The following PAG1 variants were observed in gnomAD, a reference collection of about 807,000 sequenced individuals.
PAG1 encodes phosphoprotein membrane anchor with glycosphingolipid microdomains 1.
PAG1 carries 23 observed loss-of-function variants against 31.7 expected under a neutral mutation model. The observed-to-expected ratio is 0.73, with a 90% CI of 0.52 to 1.03. The LOEUF (loss-of-function observed/expected upper bound fraction) is 1.03, where lower values mean the gene tolerates loss of function less well. PAG1 is among the 50% of genes least tolerant of loss of function. The probability of loss-of-function intolerance (pLI) is 0.00; values close to 1 mark genes in which losing one functional copy is unlikely to be tolerated. For missense variants in PAG1, 473 were observed against 540.7 expected (o/e 0.87, Z 1.24); for synonymous variants, 214 against 210.3 (o/e 1.02, Z -0.15).
At chr8:81,053,743 G>C (rs1435120631) in intron 2 of PAG1, among the ~76,000 whole-genome samples, 7 of 152,176 alleles carry the variant, frequency 4.6e-5, no homozygotes, top group Non-Finnish European at 1.0e-4. Context: ...TTCAGGGTGG[G>C]AAATGGACAT....
intron 1 of PAG1, among the ~76,000 whole-genome samples, chr8:81,106,809 T>C (rs1444490149): frequency 6.6e-6 from 1 of 152,170 alleles, no homozygotes; most frequent in African/African-American, 2.4e-5. Flanking sequence ...AGAAAGGCTA[T>C]GATACAGACA....
chr8:81,038,799 G>A (rs1428028819), intron 2 of PAG1, among the ~76,000 whole-genome samples: 1 of 152,048 alleles, frequency 6.6e-6, no homozygotes, highest in East Asian at 1.9e-4. Flanking sequence ...GACTTAGGGT[G>A]GTTTTAAGAG....
intron 2 of PAG1, among the ~76,000 whole-genome samples, chr8:81,054,128 A>G (rs539876079): frequency 1.3e-5 from 2 of 152,304 alleles, no homozygotes; most frequent in African/African-American, 4.8e-5. Flanking sequence ...TGGAATGGAC[A>G]AGATCACCCA....
At chr8:81,010,196 G>A (rs1586163006) in intron 3 of PAG1, among the ~76,000 whole-genome samples, 2 of 152,118 alleles carry the variant, frequency 1.3e-5, no homozygotes, top group African/African-American at 4.8e-5. Flanking sequence ...CCCACATAAC[G>A]AGTCTATGCT....
intron 2 of PAG1, among the ~76,000 whole-genome samples, chr8:81,060,100 A>C (rs1448450275): frequency 6.6e-6 from 1 of 152,188 alleles, no homozygotes; most frequent in African/African-American, 2.4e-5. Flanking sequence ...AAATTAAGCA[A>C]GTAAATATTT....
At chr8:81,039,866 T>G (rs568830065) in intron 2 of PAG1, among the ~76,000 whole-genome samples, 1 of 152,160 alleles carries the variant, frequency 6.6e-6, no homozygotes, top group Non-Finnish European at 1.5e-5. Flanking sequence ...TTCAATTGTA[T>G]TTTTTCCAGT....
At chr8:81,003,695 GTTCT>G (rs956748926) in intron 3 of PAG1, among the ~76,000 whole-genome samples, 5 of 152,218 alleles carry the variant, frequency 3.3e-5, no homozygotes, top group Admixed American at 3.3e-4. Flanking sequence ...GAAGCTAAGG[GTTCT>G]TTTGAACCCT....
At chr8:81,068,155 C>G (rs1809037501) in intron 2 of PAG1, among the ~76,000 whole-genome samples, 1 of 152,154 alleles carries the variant, frequency 6.6e-6, no homozygotes, top group South Asian at 2.1e-4. Context: ...CCTCGGCCTC[C>G]TAGAGTGCTG....
intron 2 of PAG1, among the ~76,000 whole-genome samples, chr8:81,043,021 C>T (rs1284391167): frequency 6.6e-6 from 1 of 152,164 alleles, no homozygotes; most frequent in African/African-American, 2.4e-5. Flanking sequence ...ACCCCTTTTA[C>T]AATAAAATAC....
intron 2 of PAG1, among the ~76,000 whole-genome samples, chr8:81,033,598 C>T (rs545676064): frequency 7.2e-5 from 11 of 152,310 alleles, no homozygotes; most frequent in Admixed American, 3.9e-4. Context: ...TGGAATGCCA[C>T]GCCCAGCAGT....
At chr8:81,000,868 CAGG>C (rs1222833997) in intron 3 of PAG1, among the ~76,000 whole-genome samples, 1 of 152,332 alleles carries the variant, frequency 6.6e-6, no homozygotes, top group East Asian at 1.9e-4. Context: ...TCCCCCGCAG[CAGG>C]CCTGTCAACT....
intron 5 of PAG1, among the ~76,000 whole-genome samples, chr8:80,988,903 G>A (rs1330438546): frequency 6.6e-6 from 1 of 152,228 alleles, no homozygotes; most frequent in Non-Finnish European, 1.5e-5. Context: ...CAGAAAGCAA[G>A]TTGGTGTTCA....
At position 81,104,572 on chromosome 8, in the gene PAG1, G is replaced by A. The variant is rs114711725; in HGVS notation, c.-234+7019C>T. ...CTGAATGTCCCTCTGGTGCCTCACAGTGCATAAATCCACAACCTGTCATCT... is the reference window on the plus strand; with the variant it reads ...CTGAATGTCCCTCTGGTGCCTCACAATGCATAAATCCACAACCTGTCATCT... On this transcript the variant is annotated intron_variant, in intron 1 of 8. Transcript: ENST00000220597. Among the ~76,000 whole-genome samples, 590 of 152,176 alleles carry A rather than the reference G, an allele frequency of 3.9e-3. 9 individuals carry two copies. The highest frequency in any genetic ancestry group is 0.013 in the African/African-American group (559 of 41,512).
intron 4 of PAG1, 103 bp from the exon 5 acceptor site, chr8:80,991,633 G>A (rs1039309596): frequency 9.9e-6 from 8 of 810,744 alleles, no homozygotes; most frequent in African/African-American, 8.4e-5. Context: ...TAAATCTCTC[G>A]TTTTAAGAAC....
Position 80,990,114 on chromosome 8 carries a change from G to A in PAG1, c.177+1365C>T, listed in dbSNP as rs1586147727. On this transcript the variant is annotated intron_variant, in intron 5 of 8. Coordinates refer to ENST00000220597, the MANE Select transcript of PAG1 (RefSeq NM_018440.4). This position sits in a 1 kb window ranked among gnomAD's most constrained non-coding sequence, Gnocchi z 5.1. ...GGGCGCTGGGAACAGATGAGAAGTG[G>A]CGACAATGTGGACAACCAGGGATGG... 6.6e-6 allele frequency among the ~76,000 whole-genome samples: 1 copy of A among 152,026 alleles called. No individual in the cohort carries two copies. The highest frequency in any genetic ancestry group is 1.9e-4 in the East Asian group (1 of 5,180).
At position 81,008,000 on chromosome 8, in the gene PAG1, T is replaced by C. The variant is rs139033828; in HGVS notation, c.-80-14693A>G. ...GTTTTTAGGACAAAAAGAAAACTCA[T>C]CTAGGAAAATCAAGGTAGCCACTGA... is the stretch of plus-strand genomic sequence containing the variant. On this transcript the variant is annotated intron_variant, in intron 3 of 8. Transcript: ENST00000220597. 9.6e-3 allele frequency among the ~76,000 whole-genome samples: 1,460 copies of C among 152,298 alleles called. 20 individuals carry two copies. Among genetic ancestry groups the C allele is most frequent in the African/African-American group, 0.034 (1,394 of 41,552 alleles).
intron 3 of PAG1, 125 bp from the exon 4 acceptor site, chr8:80,993,432 G>A (rs1807602052): frequency 1.9e-6 from 1 of 518,274 alleles, no homozygotes; most frequent in Admixed American, 3.4e-5. Context: ...ATGCTGAGGA[G>A]AGCCCCGGAC....
chr8:81,045,868 T>C (rs956484710), intron 2 of PAG1, among the ~76,000 whole-genome samples: 1 of 152,226 alleles, frequency 6.6e-6, no homozygotes, highest in Non-Finnish European at 1.5e-5. Context: ...CCTGTAATGT[T>C]TATAGTATCT....
chr8:81,050,965 T>A (rs1388350902), intron 2 of PAG1, among the ~76,000 whole-genome samples: 2 of 152,226 alleles, frequency 1.3e-5, no homozygotes, highest in Non-Finnish European at 2.9e-5. Flanking sequence ...CCCATATTCT[T>A]CTATCACTCT....
Sources: allele counts gnomAD v4.1 joint callset (sites outside exome capture counted in the v4.1 genomes callset), GRCh38; gene constraint gnomAD v4.1.1; non-coding constraint Gnocchi (gnomAD v3.1); transcripts MANE v1.5; gene names NCBI Gene and HGNC (gene_info 2026-07-23, HGNC 2026-07-21).